The following GNG7 variants were observed in gnomAD, a reference collection of about 807,000 sequenced individuals.
The protein encoded by GNG7 is guanine nucleotide-binding protein G(I)/G(S)/G(O) subunit gamma-7.
A neutral mutation model predicts 4.0 loss-of-function variants in GNG7; 1 was observed. That is an observed-to-expected ratio of 0.25 (90% CI 0.09 to 1.18). The LOEUF is 1.18. Ranked by LOEUF, GNG7 falls within the 50% of genes most tolerant of loss-of-function variation. The pLI, the probability that GNG7 is intolerant of heterozygous loss-of-function variation, is 0.50. For missense variants in GNG7, 86 were observed against 91.9 expected, an observed-to-expected ratio of 0.94 and a Z score of 0.26; for synonymous variants, 34 against 36.9, an observed-to-expected ratio of 0.92 and a Z score of 0.29.
At chr19:2,520,756 A>T in intron 3 of GNG7, 31 bp from the exon 4 acceptor site, 2 of 969,554 alleles carry the variant, frequency 2.1e-6, no homozygotes. Context: ...TGTGGGTCAA[A>T]GTTCAGGTCA....
At chr19:2,696,619 C>T (rs184375023) in intron 1 of GNG7, among the ~76,000 whole-genome samples, 60 of 152,350 alleles carry the variant, frequency 3.9e-4, no homozygotes, top group African/African-American at 1.4e-3. Flanking sequence ...CACCGGAACA[C>T]GACTCAGCCC....
At chr19:2,698,262 GTC>G (rs1208377639) in intron 1 of GNG7, among the ~76,000 whole-genome samples, 2 of 135,826 alleles carry the variant, frequency 1.5e-5, no homozygotes, top group African/African-American at 3.0e-5. Context: ...ATGAGACCAT[GTC>G]TCAAAAAAAA....
intron 1 of GNG7, among the ~76,000 whole-genome samples, chr19:2,695,167 G>A (rs1031126552): frequency 3.3e-5 from 5 of 151,832 alleles, no homozygotes; most frequent in East Asian, 1.9e-4. Context: ...GAGACCTAGC[G>A]CCCTCTGTGT....
At chr19:2,537,771 A>C (rs1166095614) in intron 3 of GNG7, among the ~76,000 whole-genome samples, 2 of 151,884 alleles carry the variant, frequency 1.3e-5, no homozygotes, top group East Asian at 3.9e-4. Flanking sequence ...GGCTGACAAG[A>C]AATTATGAAA....
intron 2 of GNG7, among the ~76,000 whole-genome samples, chr19:2,567,114 A>AAAAAAAC (rs1979937172): frequency 1.5e-5 from 1 of 65,304 alleles, no homozygotes; most frequent in Non-Finnish European, 2.9e-5. Flanking sequence ...TCCGTCTCAA[A>AAAAAAAC]AAAAAAAACA....
At chr19:2,661,292 A>AAAAG (rs1983154178) in intron 1 of GNG7, among the ~76,000 whole-genome samples, 1 of 37,830 alleles carries the variant, frequency 2.6e-5, no homozygotes, top group East Asian at 1.1e-3. Context: ...GAAAGAAAGA[A>AAAAG]AGAAAGAAAG....
At chr19:2,652,707 A>C (rs1599443380) in intron 1 of GNG7, among the ~76,000 whole-genome samples, 2 of 152,052 alleles carry the variant, frequency 1.3e-5, no homozygotes, top group African/African-American at 4.8e-5. Context: ...AGGAAGGGGG[A>C]GATGGGGGTC....
At chr19:2,648,111 T>C (rs1982716784) in intron 1 of GNG7, among the ~76,000 whole-genome samples, 1 of 140,684 alleles carries the variant, frequency 7.1e-6, no homozygotes, top group South Asian at 2.3e-4. Context: ...AAAAAAACCG[T>C]GAAACTGGGA....
chr19:2,579,190 G>T (rs1980429641), intron 2 of GNG7, among the ~76,000 whole-genome samples: 1 of 152,248 alleles, frequency 6.6e-6, no homozygotes, highest in Non-Finnish European at 1.5e-5. Context: ...AGACGCCAAG[G>T]TCTGCACAGG....
chr19:2,664,453 G>C lies in GNG7; in HGVS notation c.-134-18173C>G, dbSNP rs771161591. The stretch of plus-strand genomic sequence containing the variant: ...GCTTCAGAGCCACGAGACTGATGAC[G>C]GCCAGGCCGGGCGTGACCTGGAACA... On this transcript the variant is annotated intron_variant, in intron 1 of 4. Transcript: ENST00000382159. Among the ~76,000 whole-genome samples the C allele has an allele frequency of 2.0e-5, 3 of 152,168 alleles. No homozygotes were observed. The South Asian group carries it at 6.2e-4, about 31-fold the overall frequency.
intron 1 of GNG7, among the ~76,000 whole-genome samples, chr19:2,648,315 G>A (rs1479885917): frequency 6.6e-6 from 1 of 151,898 alleles, no homozygotes; most frequent in Admixed American, 6.6e-5. Flanking sequence ...AGGATCACTT[G>A]AGCCCAGGAG....
intron 2 of GNG7, among the ~76,000 whole-genome samples, chr19:2,567,144 A>AAAAAAAAAC (rs1979943120): frequency 2.7e-5 from 3 of 109,182 alleles, no homozygotes; most frequent in African/African-American, 1.8e-4. Context: ...AAAAAAAAAC[A>AAAAAAAAAC]AAAAAAAAAA....
At chr19:2,661,729 G>A (rs551152513) in intron 1 of GNG7, among the ~76,000 whole-genome samples, 4 of 148,390 alleles carry the variant, frequency 2.7e-5, no homozygotes, top group Admixed American at 6.8e-5. Context: ...AGGAAGGAAC[G>A]ACTCATTTGG....
At chr19:2,684,124 C>A (rs140564344) in intron 1 of GNG7, among the ~76,000 whole-genome samples, 2,709 of 148,216 alleles carry the variant, frequency 0.018, 96 homozygotes, top group African/African-American at 0.057. Flanking sequence ...GAGTTCGAGA[C>A]CAGCCTGGCC....
chr19:2,597,453 TG>T (rs1568257291), intron 2 of GNG7, among the ~76,000 whole-genome samples: 5 of 149,746 alleles, frequency 3.3e-5, no homozygotes, highest in African/African-American at 7.4e-5. Flanking sequence ...AAAAATTAGC[TG>T]GGCGTGGTGG....
In GNG7 at chr19:2,538,925, T is replaced by C. The variant is rs573838335; in HGVS notation, c.-38+16224A>G. The C allele has an allele frequency of 1.0e-3, 208 of 198,188 alleles. 1 individual carries two copies. The highest frequency in any genetic ancestry group is 1.7e-3 in the African/African-American group (70 of 41,540). The allele number at this position is 198,188 out of a possible 1,614,324, so 12.3% of individuals were successfully genotyped here. ...CTGGGATTACAGGCGCCCGCCACCATGCCCGGCTAATTTTTTTTTGTATTT... is the reference window on the plus strand; with the variant it reads ...CTGGGATTACAGGCGCCCGCCACCACGCCCGGCTAATTTTTTTTTGTATTT... On this transcript the variant is annotated intron_variant, in intron 3 of 4. Coordinates refer to ENST00000382159, the MANE Select transcript of GNG7 (RefSeq NM_052847.3).
chr19:2,555,740 T>C (rs1402537123), intron 2 of GNG7, among the ~76,000 whole-genome samples: 2 of 151,276 alleles, frequency 1.3e-5, no homozygotes, highest in African/African-American at 4.9e-5. Context: ...AGGAGGTCAA[T>C]AGGAAGGAAA....
At chr19:2,569,833 A>C (rs1445760059) in intron 2 of GNG7, among the ~76,000 whole-genome samples, 1 of 152,164 alleles carries the variant, frequency 6.6e-6, no homozygotes, top group African/African-American at 2.4e-5. Flanking sequence ...GTCACCAGAC[A>C]TCTCCCGGTG....
At chr19:2,629,175 G>A (rs1009423209) in intron 2 of GNG7, among the ~76,000 whole-genome samples, 2 of 152,206 alleles carry the variant, frequency 1.3e-5, no homozygotes, top group African/African-American at 2.4e-5. Flanking sequence ...TTGAAGACTT[G>A]AGGTGAACAA....
Sources: allele counts gnomAD v4.1 joint callset (sites outside exome capture counted in the v4.1 genomes callset), GRCh38; gene constraint gnomAD v4.1.1; transcripts MANE v1.5; gene names NCBI Gene and HGNC (gene_info 2026-07-23, HGNC 2026-07-21).